Variants in ST6GAL2 observed in about 807,000 individuals in gnomAD.
ST6GAL2 encodes the protein beta-galactoside alpha-2,6-sialyltransferase 2.
Under a neutral mutation model 37.5 loss-of-function variants are expected in ST6GAL2, and 24 were observed. That is an observed-to-expected ratio of 0.64 (90% CI 0.46 to 0.90). The LOEUF (loss-of-function observed/expected upper bound fraction) is 0.90, where lower values mean the gene tolerates loss of function less well. Among genes scored for constraint, ST6GAL2 ranks in the 40% least tolerant of loss-of-function variants. The probability of loss-of-function intolerance (pLI) is 0.00; values close to 1 mark genes in which losing one functional copy is unlikely to be tolerated. For missense variants in ST6GAL2, 715 were observed against 712.7 expected (o/e 1.00, Z -0.04); for synonymous variants, 306 against 295.1 (o/e 1.04, Z -0.38).
intron 5 of ST6GAL2, among the ~76,000 whole-genome samples, chr2:106,823,947 C>T (rs1676106213): frequency 6.6e-6 from 1 of 152,126 alleles, no homozygotes. Context: ...TCCCAATGGT[C>T]CCACCTCCTA....
At position 106,843,519 on chromosome 2, in the gene ST6GAL2, G is replaced by C. The variant is rs142520495; in HGVS notation, c.459C>G (p.Pro153=). Residue 153 remains proline, a synonymous_variant, in exon 2 of 6, where the codon CCC becomes CCG. Coordinates refer to ENST00000409382, the MANE Select transcript of ST6GAL2 (RefSeq NM_001142351.2). The part of the protein sequence containing the change: ...HTQGTLGFPS[P]GEPGPREGAF... ...CCCCCTCCCGTGGGCCTGGCTCCCC[G>C]GGGGAAGGGAATCCCAATGTCCCCT... The C allele has an allele frequency of 1.2e-6, 2 of 1,613,800 alleles. No individual in the cohort carries two copies. Among genetic ancestry groups the C allele is most frequent in the Non-Finnish European group, 1.7e-6 (2 of 1,179,842 alleles).
chr2:106,842,831 G>C lies in ST6GAL2; in HGVS notation c.943+204C>G, dbSNP rs924646545. Among the ~76,000 whole-genome samples, 22 of 152,294 alleles carry C rather than the reference G, an allele frequency of 1.4e-4. No individual in the cohort carries two copies. In the East Asian group the frequency reaches 4.3e-3, roughly 30 times the overall value. On this transcript the variant is annotated intron_variant, in intron 2 of 5. Transcript: ENST00000409382. ...CCCTGCTCTAAGAGTCTCCCGAAGAGTACTTCTGCTGTGACCCCAGGCAGA... is the reference window on the plus strand; with the variant it reads ...CCCTGCTCTAAGAGTCTCCCGAAGACTACTTCTGCTGTGACCCCAGGCAGA...
rs1676959924 is a variant in ST6GAL2, at chr2:106,843,028, G to T, written c.943+7C>A. The T allele has an allele frequency of 7.1e-7, 1 of 1,401,046 alleles. No individual in the cohort carries two copies. Among genetic ancestry groups the T allele is most frequent in the Non-Finnish European group, 9.3e-7 (1 of 1,074,848 alleles). 86.8% of individuals were successfully genotyped at this position (1,401,046 alleles called of 1,614,324 possible). ...CAGGGCGACCTGGTCCCCCCGCTGA[G>T]ACCTACCTATTTCCTCGCCCAAGGA... On this transcript the variant is annotated splice_region_variant and intron_variant, in intron 2 of 5. Coordinates refer to ENST00000409382, the MANE Select transcript of ST6GAL2 (RefSeq NM_001142351.2).
intron 1 of ST6GAL2, among the ~76,000 whole-genome samples, chr2:106,881,231 C>A (rs985538721): frequency 6.6e-6 from 1 of 152,162 alleles, no homozygotes; most frequent in South Asian, 2.1e-4. Context: ...CTCAAGCAAT[C>A]GCCTGCATCA....
At chr2:106,827,743 G>T (rs1347461294) in intron 5 of ST6GAL2, among the ~76,000 whole-genome samples, 1 of 152,082 alleles carries the variant, frequency 6.6e-6, no homozygotes, top group East Asian at 1.9e-4. Context: ...TTTGAGATTG[G>T]GCTAGTGAGA....
chr2:106,868,755 C>G (rs1678140188), intron 1 of ST6GAL2, among the ~76,000 whole-genome samples: 1 of 152,038 alleles, frequency 6.6e-6, no homozygotes, highest in Admixed American at 6.6e-5. Flanking sequence ...TTGGGGGTTT[C>G]AGAGACAACA....
intron 1 of ST6GAL2, among the ~76,000 whole-genome samples, chr2:106,856,611 C>T (rs774403343): frequency 6.6e-6 from 1 of 152,156 alleles, no homozygotes; most frequent in Non-Finnish European, 1.5e-5. Flanking sequence ...TCCTTCACAT[C>T]CTATGATTGA....
At chr2:106,868,364 C>T (rs1052747763) in intron 1 of ST6GAL2, among the ~76,000 whole-genome samples, 87 of 152,268 alleles carry the variant, frequency 5.7e-4, no homozygotes, top group African/African-American at 1.9e-3. Context: ...ACTCCAAAGC[C>T]CCAGTCTCTC....
rs1218471177 is a variant in ST6GAL2, at chr2:106,804,380, A to G, written c.*2298T>C. On this transcript the variant is annotated 3_prime_UTR_variant, in exon 6 of 6. Transcript: ENST00000409382. ...TACAAGTAAATCCACTTGCAAAACT[A>G]TAAAAGGAGCTTCAGGGGCATTTAA... 1 of 152,206 alleles carries G rather than the reference A, an allele frequency of 6.6e-6. No individual in the cohort carries two copies. The highest frequency in any genetic ancestry group is 2.4e-5 in the African/African-American group (1 of 41,446). 9.4% of individuals were successfully genotyped at this position (152,206 alleles called of 1,614,324 possible). A position where few individuals can be genotyped will look rare whatever the true frequency, so the allele number is the denominator to read the frequency against.
At chr2:106,831,672 G>C (rs1454156274) in intron 4 of ST6GAL2, among the ~76,000 whole-genome samples, 3 of 152,178 alleles carry the variant, frequency 2.0e-5, no homozygotes, top group Non-Finnish European at 2.9e-5. Flanking sequence ...AGAATTGTAA[G>C]TAATCATATG....
intron 1 of ST6GAL2, among the ~76,000 whole-genome samples, chr2:106,864,824 T>A (rs1015983591): frequency 6.6e-6 from 1 of 152,200 alleles, no homozygotes; most frequent in African/African-American, 2.4e-5. Flanking sequence ...TCTCTAATAG[T>A]CTGCAATAGC....
intron 5 of ST6GAL2, among the ~76,000 whole-genome samples, chr2:106,818,373 G>C (rs528810078): frequency 4.6e-5 from 7 of 152,124 alleles, no homozygotes; most frequent in African/African-American, 1.4e-4. Context: ...CAGCACAGAG[G>C]GAAAGACTCT....
At chr2:106,833,440 T>A (rs1217673794) in intron 3 of ST6GAL2, among the ~76,000 whole-genome samples, 1 of 152,210 alleles carries the variant, frequency 6.6e-6, no homozygotes, top group Non-Finnish European at 1.5e-5. Flanking sequence ...AGCTAATCTT[T>A]TGTTCTGTAA....
chr2:106,832,819 G>A (rs1045222486), intron 3 of ST6GAL2, among the ~76,000 whole-genome samples, 153 bp from the exon 4 acceptor site: 1 of 152,180 alleles, frequency 6.6e-6, no homozygotes, highest in Non-Finnish European at 1.5e-5. Context: ...GGCAGGCGTT[G>A]CATGCAGAAG....
At chr2:106,840,489 C>T (rs1273158454) in intron 2 of ST6GAL2, among the ~76,000 whole-genome samples, 2 of 152,170 alleles carry the variant, frequency 1.3e-5, no homozygotes, top group African/African-American at 4.8e-5. Context: ...GCTATGGTTA[C>T]ATGTTCTTAA....
At chr2:106,813,179 C>T in intron 5 of ST6GAL2, 1 of 1,330,838 alleles carries the variant, frequency 7.5e-7, no homozygotes, top group Non-Finnish European at 9.7e-7. Context: ...GTCGCGTGAT[C>T]TCGGCTCACT....
intron 1 of ST6GAL2, among the ~76,000 whole-genome samples, chr2:106,844,382 TC>T (rs1401349814): frequency 6.6e-6 from 1 of 151,902 alleles, no homozygotes; most frequent in Non-Finnish European, 1.5e-5. Context: ...GCCCACAAGT[TC>T]CCCCTACTTC....
chr2:106,861,642 T>C (rs1365201233), intron 1 of ST6GAL2, among the ~76,000 whole-genome samples: 1 of 151,942 alleles, frequency 6.6e-6, no homozygotes, highest in Non-Finnish European at 1.5e-5. Context: ...TTTTCTTTTT[T>C]TTTTTGAGAC....
intron 1 of ST6GAL2, among the ~76,000 whole-genome samples, chr2:106,858,474 G>A (rs555214958): frequency 6.6e-6 from 1 of 152,306 alleles, no homozygotes; most frequent in African/African-American, 2.4e-5. Flanking sequence ...GGAATCAGAG[G>A]AGAGTAATGT....
Sources: gnomAD v4.1 joint callset for allele counts (sites outside exome capture counted in the v4.1 genomes callset) on GRCh38, gnomAD v4.1.1 for gene constraint, MANE v1.5 for transcripts, NCBI Gene and HGNC (gene_info 2026-07-23, HGNC 2026-07-21) for gene names.